ALKBH7: variants seen among roughly 807,000 people sequenced by gnomAD.
The protein encoded by ALKBH7 is alkB homolog 7, RNA demethylase, also known as RNA demethylase ALKBH7, mitochondrial.
In ALKBH7, 21 loss-of-function variants were observed where a neutral mutation model predicts 19.3. That is an observed-to-expected ratio of 1.09 (90% confidence interval 0.77 to 1.56). ALKBH7 has a LOEUF of 1.56. Ranked by LOEUF, ALKBH7 falls within the 40% of genes most tolerant of loss-of-function variation. The probability of loss-of-function intolerance (pLI) is 0.00; values close to 1 mark genes in which losing one functional copy is unlikely to be tolerated. For synonymous variants in ALKBH7, 147 were observed against 139.5 expected (o/e 1.05, Z -0.38); for missense variants, 354 against 311.4 (o/e 1.14, Z -1.03).
intron 1 of ALKBH7, chr19:6,373,905 T>C: frequency 1.0e-6 from 1 of 984,800 alleles, no homozygotes. Context: ...TGGAGCCAGA[T>C]GATGTTGAGA....
intron 3 of ALKBH7, 21 bp downstream of exon 3, chr19:6,374,610 C>T (rs1394479883): frequency 6.2e-7 from 1 of 1,612,274 alleles, no homozygotes; most frequent in Non-Finnish European, 8.5e-7. Flanking sequence ...CCAGGCAGCA[C>T]CCACCCCTCC....
intron 1 of ALKBH7, 98 bp from the exon 2 acceptor site, chr19:6,374,105 C>T (rs1211675718): frequency 5.7e-6 from 9 of 1,577,206 alleles, no homozygotes; most frequent in Non-Finnish European, 7.7e-6. Flanking sequence ...TCAAGAGTCA[C>T]ATAGGGAAAC....
intron 1 of ALKBH7, chr19:6,373,928 A>C (rs528717741): frequency 2.0e-6 from 2 of 985,108 alleles, no homozygotes; most frequent in Non-Finnish European, 2.4e-6. Flanking sequence ...CAGAGACAGG[A>C]CACTTGGGTG....
chr19:6,375,121 G>A lies in ALKBH7; in HGVS notation c.*148G>A. On this transcript the variant is annotated 3_prime_UTR_variant, in exon 4 of 4. Transcript: ENST00000245812. ...CCCATAGGGAGCTCCAGGTGTGGCT[G>A]GCTGGACACATGGTCAAAGTCACAA... 7.6e-7 allele frequency: 1 copy of A among 1,315,564 alleles called. No homozygotes were observed. Among genetic ancestry groups the A allele is most frequent in the Non-Finnish European group, 1.0e-6 (1 of 995,114 alleles). The allele number at this position is 1,315,564 out of a possible 1,614,324, so 81.5% of individuals were successfully genotyped here.
intron 1 of ALKBH7, chr19:6,373,795 A>G: frequency 8.3e-7 from 1 of 1,206,414 alleles, no homozygotes; most frequent in Non-Finnish European, 1.0e-6. Flanking sequence ...CTGGGCTGAA[A>G]CTCTGGCTGT....
chr19:6,373,909 G>A (rs1017556303), intron 1 of ALKBH7: 1 of 985,260 alleles, frequency 1.0e-6, no homozygotes, highest in Non-Finnish European at 1.2e-6. Context: ...GCCAGATGAT[G>A]TTGAGAGACA....
In ALKBH7 at chr19:6,374,889, G is replaced by A. The variant is rs1165185752; in HGVS notation, c.582G>A (p.Arg194=). The change falls in exon 4 of 4, where the codon CGG becomes CGA. Residue 194 remains arginine (R), a synonymous_variant. Transcript: ENST00000245812. The stretch of plus-strand genomic sequence containing the variant: ...TCTTTGGGGAACGCCGGATTCCCCG[G>A]GGCCGGCGCATCTCCGTGATCTGCC... ...ESFFGERRIP[R]GRRISVICRS... The A allele has an allele frequency of 1.9e-6, 3 of 1,614,114 alleles. No individual in the cohort carries two copies. The highest frequency in any genetic ancestry group is 1.7e-5 in the Admixed American group (1 of 60,022).
Position 6,374,557 on chromosome 19 carries a change from CT to C in ALKBH7, c.473del (p.Leu158CysfsTer43). Reference sequence around the variant, plus strand: ...AGGAGCCGGGGGAGTGGCTGGAACTCTTGCTGGAGCCGGGCTCCCTCTACAT... The same window carrying C: ...AGGAGCCGGGGGAGTGGCTGGAACTCTGCTGGAGCCGGGCTCCCTCTACAT... ...TQEPGEWLEL[L>X]LEPGSLYILR... On this transcript the variant is annotated frameshift_variant, in exon 3 of 4. Coordinates refer to ENST00000245812, the MANE Select transcript of ALKBH7 (RefSeq NM_032306.4). LOFTEE classifies it high-confidence loss of function. The C allele has an allele frequency of 6.2e-7, 1 of 1,613,570 alleles. No homozygotes were observed. Among genetic ancestry groups the C allele is most frequent in the East Asian group, 2.2e-5 (1 of 44,852 alleles).
chr19:6,373,604 C>G, intron 1 of ALKBH7: 1 of 1,133,810 alleles, frequency 8.8e-7, no homozygotes, highest in Non-Finnish European at 1.1e-6. Context: ...GGGCGGGGTC[C>G]GTGGAGTCAA....
intron 1 of ALKBH7, chr19:6,373,975 TG>T (rs2091906998): frequency 2.0e-6 from 2 of 985,206 alleles, no homozygotes; most frequent in African/African-American, 1.7e-5. Flanking sequence ...AATTGAATGC[TG>T]GGGCCGGGCC....
At chr19:6,373,350 G>T in intron 1 of ALKBH7, 1 of 378,088 alleles carries the variant, frequency 2.6e-6, no homozygotes, top group Non-Finnish European at 4.6e-6. Flanking sequence ...GGGACAGGAG[G>T]CGAGCGTAGG....
In ALKBH7 at chr19:6,374,717, G is replaced by GCAGGGGGCTGGAATC. The variant is rs2091912441; in HGVS notation, c.504-89_504-75dup. 1.9e-6 allele frequency: 3 copies of GCAGGGGGCTGGAATC among 1,595,926 alleles called. No homozygotes were observed. In the African/African-American group the frequency reaches 4.0e-5, roughly 22 times the overall value. Reference sequence around the variant, plus strand: ...TACCCCAGGGTCTGTGTGGGAGGCAGCAGGGGGCTGGAATCCAGGAGGCTG... The same window carrying GCAGGGGGCTGGAATC: ...TACCCCAGGGTCTGTGTGGGAGGCAGCAGGGGGCTGGAATCCAGGGGGCTGGAATCCAGGAGGCTG... On this transcript the variant is annotated intron_variant, in intron 3 of 3. Coordinates refer to ENST00000245812, the MANE Select transcript of ALKBH7 (RefSeq NM_032306.4).
At chr19:6,373,484 G>A (rs968820480) in intron 1 of ALKBH7, 1 of 547,752 alleles carries the variant, frequency 1.8e-6, no homozygotes, top group Non-Finnish European at 2.8e-6. Context: ...GTCGGGTGTA[G>A]GGTTGGGGTG....
At chr19:6,374,063 AG>A in intron 1 of ALKBH7, 139 bp from the exon 2 acceptor site, 3 of 1,502,496 alleles carry the variant, frequency 2.0e-6, no homozygotes, top group Non-Finnish European at 2.7e-6. Context: ...GCCATAGTTG[AG>A]GGGCTAGGGG....
Position 6,372,804 on chromosome 19 carries a change from GACCCC to G in ALKBH7, c.-16_-12del. 1 of 1,536,676 alleles carries G rather than the reference GACCCC, an allele frequency of 6.5e-7. No individual in the cohort carries two copies. The highest frequency in any genetic ancestry group is 2.5e-5 in the East Asian group (1 of 39,380). On this transcript the variant is annotated 5_prime_UTR_variant, in exon 1 of 4. Transcript: ENST00000245812. ...GTTCCCCAACCCTGCCCTCTCTCAT[GACCCC>G]GCTCCGGGATTATGGCCGGGACTGG...
In ALKBH7 at chr19:6,374,822, G is replaced by C. The variant is rs372968443; in HGVS notation, c.515G>C (p.Arg172Pro). The change falls in exon 4 of 4, where the codon CGT becomes CCT. Residue 172 changes from arginine (R) to proline (P), a missense_variant. Transcript: ENST00000245812. ...GSLYILRGSA[R>P]YDFSHEILRD... ...GTTTCTTCCTGCAGGGGCTCAGCCC[G>C]TTATGACTTCTCCCATGAGATCCTT... 7.4e-6 allele frequency: 12 copies of C among 1,612,924 alleles called. No homozygotes were observed. The highest frequency in any genetic ancestry group is 9.3e-6 in the Non-Finnish European group (11 of 1,179,124).
In ALKBH7 at chr19:6,375,125, G is replaced by A. The variant is rs2091915340; in HGVS notation, c.*152G>A. The A allele has an allele frequency of 7.6e-7, 1 of 1,308,992 alleles. No homozygotes were observed. Among genetic ancestry groups the A allele is most frequent in the East Asian group, 2.6e-5 (1 of 38,442 alleles). The allele number at this position is 1,308,992 out of a possible 1,614,324, so 81.1% of individuals were successfully genotyped here. On this transcript the variant is annotated 3_prime_UTR_variant, in exon 4 of 4. Coordinates refer to ENST00000245812, the MANE Select transcript of ALKBH7 (RefSeq NM_032306.4). ...TAGGGAGCTCCAGGTGTGGCTGGCT[G>A]GACACATGGTCAAAGTCACAAGGCC...
rs781203193 is a variant in ALKBH7, at chr19:6,374,476, C to T, written c.390C>T (p.Ala130=). The part of the protein sequence containing the change: ...PHVDSIKFCG[A]TIAGLSLLSP... Reference sequence around the variant, plus strand: ...CGCCTCTTTTGCAGTTCTGCGGGGCCACCATCGCCGGCCTGTCTCTCCTGT... The same window carrying T: ...CGCCTCTTTTGCAGTTCTGCGGGGCTACCATCGCCGGCCTGTCTCTCCTGT... Residue 130 remains alanine (A), a synonymous_variant, in exon 3 of 4, where the codon GCC becomes GCT. Transcript: ENST00000245812. The T allele has an allele frequency of 6.2e-7, 1 of 1,613,806 alleles. No individual in the cohort carries two copies. Among genetic ancestry groups the T allele is most frequent in the East Asian group, 2.2e-5 (1 of 44,874 alleles).
intron 1 of ALKBH7, chr19:6,373,435 C>A: frequency 5.7e-6 from 1 of 174,670 alleles, no homozygotes; most frequent in Non-Finnish European, 9.0e-6. Flanking sequence ...CGCTTGGGGG[C>A]GGTTACAGCG....
Sources: allele counts gnomAD v4.1 joint callset, GRCh38; gene constraint gnomAD v4.1.1; transcripts MANE v1.5; gene names NCBI Gene and HGNC (gene_info 2026-07-23, HGNC 2026-07-21).